CTNNA3: variants seen among roughly 807,000 people sequenced by gnomAD.
The protein encoded by CTNNA3 is catenin alpha-3.
CTNNA3 carries 76 observed loss-of-function variants against 95.7 expected under a neutral mutation model. The observed-to-expected ratio is 0.79, with a 90% CI of 0.66 to 0.96. The LOEUF (loss-of-function observed/expected upper bound fraction) is 0.96. CTNNA3 is among the 40% of genes least tolerant of loss of function. CTNNA3 has a pLI of 0.00. For synonymous variants in CTNNA3, 431 were observed against 374.4 expected (o/e 1.15, Z -1.74); for missense variants, 1,191 against 1,089.8 (o/e 1.09, Z -1.31).
At chr10:66,075,599 A>G (rs768551259) in intron 14 of CTNNA3, among the ~76,000 whole-genome samples, 29 of 151,884 alleles carry the variant, frequency 1.9e-4, no homozygotes, top group Non-Finnish European at 4.0e-4. Context: ...CACAGAGCCT[A>G]GGCAAGAACC....
intron 5 of CTNNA3, among the ~76,000 whole-genome samples, chr10:67,416,136 A>C (rs1005523865): frequency 6.6e-6 from 1 of 152,144 alleles, no homozygotes; most frequent in Non-Finnish European, 1.5e-5. Context: ...TAAAAACAAA[A>C]ATATAGTGAG....
intron 5 of CTNNA3, among the ~76,000 whole-genome samples, chr10:67,519,574 A>C (rs1271940058): frequency 6.6e-6 from 1 of 152,150 alleles, no homozygotes; most frequent in Non-Finnish European, 1.5e-5. Context: ...TGTTCATAGC[A>C]ACAACACCAC....
At chr10:67,758,213 A>G (rs1269113593) in intron 1 of CTNNA3, among the ~76,000 whole-genome samples, 1 of 151,912 alleles carries the variant, frequency 6.6e-6, no homozygotes, top group South Asian at 2.1e-4. Flanking sequence ...TGCGGATGGC[A>G]GATCTTGAGA....
intron 7 of CTNNA3, chr10:66,926,574 A>G (rs1847086907): frequency 6.2e-7 from 1 of 1,613,954 alleles, no homozygotes; most frequent in Admixed American, 1.7e-5. Context: ...ACCTTTGAAC[A>G]ATACAAAGGA....
intron 5 of CTNNA3, 70 bp from the exon 6 acceptor site, chr10:67,219,940 T>G (rs531614650): frequency 8.0e-7 from 1 of 1,252,516 alleles, no homozygotes; most frequent in African/African-American, 1.5e-5. Flanking sequence ...TTAAAAAGCT[T>G]CTTTTTTTGT....
At chr10:66,981,100 C>T (rs1850411577) in intron 7 of CTNNA3, among the ~76,000 whole-genome samples, 2 of 152,044 alleles carry the variant, frequency 1.3e-5, no homozygotes, top group Admixed American at 1.3e-4. Context: ...AGAGGGATTT[C>T]TCCATGTTGG....
chr10:66,419,195 A>C (rs370290038), intron 11 of CTNNA3, among the ~76,000 whole-genome samples: 1 of 152,082 alleles, frequency 6.6e-6, no homozygotes, highest in African/African-American at 2.4e-5. Context: ...CAAAATCAAC[A>C]TTTTTTTAAA....
intron 9 of CTNNA3, among the ~76,000 whole-genome samples, chr10:66,718,263 C>A (rs984460642): frequency 6.6e-6 from 1 of 151,924 alleles, no homozygotes; most frequent in African/African-American, 2.4e-5. Flanking sequence ...TATTTTACTG[C>A]ATTATTTTTT....
intron 1 of CTNNA3, among the ~76,000 whole-genome samples, chr10:67,718,180 T>C (rs1355527580): frequency 6.6e-6 from 1 of 152,230 alleles, no homozygotes; most frequent in African/African-American, 2.4e-5. Flanking sequence ...CCTGAGACTT[T>C]GCTGAAGTTG....
chr10:67,216,683 T>C (rs1300824855), intron 6 of CTNNA3, among the ~76,000 whole-genome samples: 2 of 152,148 alleles, frequency 1.3e-5, no homozygotes, highest in Non-Finnish European at 2.9e-5. Context: ...TCTCTAAAAA[T>C]AAGAAAATAT....
intron 3 of CTNNA3, among the ~76,000 whole-genome samples, chr10:67,584,559 A>C (rs1359900750): frequency 2.0e-5 from 3 of 152,120 alleles, no homozygotes; most frequent in South Asian, 2.1e-4. Context: ...CAGATCTCAA[A>C]CTCTGTGCTG....
intron 7 of CTNNA3, among the ~76,000 whole-genome samples, chr10:67,040,389 T>C (rs938383630): frequency 7.2e-5 from 11 of 152,066 alleles, no homozygotes; most frequent in African/African-American, 2.7e-4. Flanking sequence ...GTTCCCCAGT[T>C]GATAATGGGA....
intron 12 of CTNNA3, among the ~76,000 whole-genome samples, chr10:66,323,578 G>C (rs2132295147): frequency 6.6e-6 from 1 of 151,754 alleles, no homozygotes; most frequent in South Asian, 2.1e-4. Context: ...CTTGAACCCA[G>C]GAGGCGGAGG....
At chr10:67,136,480 G>A (rs7920363) in intron 7 of CTNNA3, among the ~76,000 whole-genome samples, 42,069 of 151,802 alleles carry the variant, frequency 0.28, 6,791 homozygotes, top group Middle Eastern at 0.49. Context: ...GCAGGTAAAC[G>A]ATAGTGCACA....
intron 11 of CTNNA3, among the ~76,000 whole-genome samples, chr10:66,462,826 G>A (rs1033916881): frequency 6.6e-6 from 1 of 152,094 alleles, no homozygotes; most frequent in Non-Finnish European, 1.5e-5. Flanking sequence ...GATATGAACT[G>A]TCTCAGTTCA....
intron 15 of CTNNA3, among the ~76,000 whole-genome samples, chr10:66,033,281 C>T (rs896606851): frequency 6.6e-6 from 1 of 151,864 alleles, no homozygotes; most frequent in Non-Finnish European, 1.5e-5. Flanking sequence ...CAGGCGCCCA[C>T]CACCACGCCC....
chr10:67,311,362 T>C (rs1589152899), intron 5 of CTNNA3, among the ~76,000 whole-genome samples: 1 of 151,114 alleles, frequency 6.6e-6, no homozygotes, highest in East Asian at 1.9e-4. Context: ...AGGAGGGGGG[T>C]TGGGAATCTA....
chr10:67,689,888 A>C (rs1840809450), intron 1 of CTNNA3, among the ~76,000 whole-genome samples: 1 of 152,072 alleles, frequency 6.6e-6, no homozygotes, highest in Admixed American at 6.5e-5. Flanking sequence ...CTAAGGAAAA[A>C]CAGGACAGAA....
chr10:67,567,531 A>T (rs1030612085), intron 3 of CTNNA3, among the ~76,000 whole-genome samples: 1 of 152,142 alleles, frequency 6.6e-6, no homozygotes, highest in Non-Finnish European at 1.5e-5. Context: ...GCCCTGACTT[A>T]ACCACTATGT....
Sources: allele counts gnomAD v4.1 joint callset (sites outside exome capture counted in the v4.1 genomes callset), GRCh38; gene constraint gnomAD v4.1.1; transcripts MANE v1.5; gene names NCBI Gene and HGNC (gene_info 2026-07-23, HGNC 2026-07-21).